MAGEC3: variants seen among roughly 807,000 people sequenced by gnomAD.
The protein encoded by MAGEC3 is MAGE family member C3, also known as melanoma-associated antigen C3.
A neutral mutation model predicts 35.3 loss-of-function variants in MAGEC3; 34 were observed. The observed-to-expected ratio is 0.96, with a 90% CI of 0.73 to 1.28. The LOEUF (loss-of-function observed/expected upper bound fraction) is 1.28, where lower values mean the gene tolerates loss of function less well. MAGEC3 is among the 50% of genes most tolerant of loss of function. The pLI is 0.00. For synonymous variants in MAGEC3, 202 were observed against 185.6 expected (o/e 1.09, Z -0.72); for missense variants, 561 against 483.6 (o/e 1.16, Z -1.50).
At chrX:141,887,547 A>G (rs747423770) in intron 4 of MAGEC3, among the ~76,000 whole-genome samples, 38 of 112,237 alleles carry the variant, frequency 3.4e-4, no homozygotes, top group Non-Finnish European at 3.8e-5. Flanking sequence ...AGAAAGAGGC[A>G]CAATGCCTAG....
chrX:141,865,689 C>T, intron 2 of MAGEC3, 84 bp downstream of exon 2: 3 of 1,041,952 alleles, frequency 2.9e-6, no homozygotes, highest in Non-Finnish European at 3.8e-6. Context: ...GCTGTTAGCC[C>T]TGGGTGGCCC....
At chrX:141,875,736 C>T (rs1021870226) in intron 2 of MAGEC3, among the ~76,000 whole-genome samples, 49 of 111,718 alleles carry the variant, frequency 4.4e-4, no homozygotes, top group African/African-American at 1.6e-3. Flanking sequence ...TTCTTGGGAC[C>T]TCAGAAGAAC....
chrX:141,838,476 G>T (rs2017666500), intron 1 of MAGEC3, 38 bp downstream of exon 1: 1 of 1,185,858 alleles, frequency 8.4e-7, no homozygotes, highest in South Asian at 1.9e-5. Flanking sequence ...TAAGCCCCAG[G>T]TTAACAGCCA....
At chrX:141,881,900 G>T in intron 4 of MAGEC3, 104 bp downstream of exon 4, 1 of 1,012,136 alleles carries the variant, frequency 9.9e-7, no homozygotes, top group Non-Finnish European at 1.4e-6. Flanking sequence ...GTGCCCAGTA[G>T]TGCTCCTCCA....
At chrX:141,868,123 C>CA (rs1246455150) in intron 2 of MAGEC3, among the ~76,000 whole-genome samples, 12 of 93,405 alleles carry the variant, frequency 1.3e-4, no homozygotes, top group South Asian at 4.7e-4. Context: ...ACTCCGCCTT[C>CA]AAAAAAAAAA....
intron 4 of MAGEC3, among the ~76,000 whole-genome samples, chrX:141,885,189 C>T (rs764750037): frequency 2.7e-5 from 3 of 111,394 alleles, no homozygotes; most frequent in Non-Finnish European, 3.8e-5. Flanking sequence ...GTGCATTACA[C>T]TCGAAAAGAA....
chrX:141,888,419 A>C (rs370477974), intron 4 of MAGEC3, among the ~76,000 whole-genome samples: 1 of 112,318 alleles, frequency 8.9e-6, no homozygotes, highest in Non-Finnish European at 1.9e-5. Flanking sequence ...GCTGTAGCCA[A>C]TGGTTTGGCT....
Position 141,897,228 on chromosome X carries a change from T to C in MAGEC3, c.1470T>C (p.Tyr490=), listed in dbSNP as rs1289677229. The change falls in exon 7 of 8, where the codon TAT becomes TAC. Residue 490 remains tyrosine, a synonymous_variant. Coordinates refer to ENST00000298296, the MANE Select transcript of MAGEC3 (RefSeq NM_138702.1). ...AEMLTTVIKK[Y]KDYFPMIFGK... is the part of the protein sequence containing the mutation. ...TGCTGACGACTGTCATCAAGAAGTA[T>C]AAGGACTATTTTCCCATGATCTTCG... The C allele has an allele frequency of 8.3e-7, 1 of 1,210,314 alleles. No individual in the cohort carries two copies. The highest frequency in any genetic ancestry group is 1.7e-5 in the African/African-American group (1 of 57,267).
At chrX:141,848,869 A>T (rs956580668) in intron 1 of MAGEC3, among the ~76,000 whole-genome samples, 1 of 111,478 alleles carries the variant, frequency 9.0e-6, no homozygotes, top group Non-Finnish European at 1.9e-5. Flanking sequence ...TACCCCATTT[A>T]CTTTGATGTA....
At chrX:141,854,528 A>G (rs2124090975) in intron 1 of MAGEC3, among the ~76,000 whole-genome samples, 1 of 111,206 alleles carries the variant, frequency 9.0e-6, no homozygotes, top group South Asian at 3.8e-4. Flanking sequence ...ATGGTAATGA[A>G]TAAGTCTCAG....
intron 2 of MAGEC3, among the ~76,000 whole-genome samples, chrX:141,868,790 C>T (rs906537449): frequency 9.1e-6 from 1 of 110,176 alleles, no homozygotes; most frequent in Non-Finnish European, 1.9e-5. Flanking sequence ...ACACAAAATA[C>T]GAGGTCGATT....
intron 1 of MAGEC3, among the ~76,000 whole-genome samples, chrX:141,852,540 A>G (rs1373640817): frequency 9.0e-6 from 1 of 110,667 alleles, no homozygotes; most frequent in African/African-American, 3.3e-5. Flanking sequence ...ACAGTCTTTC[A>G]TCTTTGAGTA....
intron 4 of MAGEC3, among the ~76,000 whole-genome samples, chrX:141,893,724 G>A (rs1384975698): frequency 4.8e-5 from 5 of 103,837 alleles, no homozygotes; most frequent in Non-Finnish European, 3.9e-5. Flanking sequence ...TGGGGGGGGG[G>A]GCGTAGATAT....
At chrX:141,854,750 C>T (rs751712284) in intron 1 of MAGEC3, among the ~76,000 whole-genome samples, 1 of 111,166 alleles carries the variant, frequency 9.0e-6, no homozygotes, top group African/African-American at 3.3e-5. Flanking sequence ...AGCCAGAAAA[C>T]GGATTAATAT....
chrX:141,873,416 C>A (rs2017900857), intron 2 of MAGEC3, among the ~76,000 whole-genome samples: 1 of 110,804 alleles, frequency 9.0e-6, no homozygotes, highest in African/African-American at 3.3e-5. Context: ...ACTCCCACCT[C>A]CTCCACCACC....
chrX:141,897,653 G>A lies in MAGEC3; in HGVS notation c.1753G>A (p.Val585Ile). The change falls in exon 8 of 8, where the codon GTC (valine) becomes ATC (isoleucine). Residue 585 changes from valine (V) to isoleucine (I), a missense_variant. By Grantham distance (29) the Val-to-Ile change is conservative (BLOSUM62 3). Coordinates refer to ENST00000298296, the MANE Select transcript of MAGEC3 (RefSeq NM_138702.1). Reference protein sequence around the residue: ...IGPIQRPAREVLEFLSKLSSI... With the variant: ...IGPIQRPAREILEFLSKLSSI... ...GCCCATTCAGAGGCCAGCAAGAGAA[G>A]TCTTAGAGTTTTTATCCAAGCTATC... The A allele has an allele frequency of 3.3e-6, 4 of 1,210,488 alleles. No individual in the cohort carries two copies. The highest frequency in any genetic ancestry group is 4.5e-6 in the Non-Finnish European group (4 of 895,012).
intron 4 of MAGEC3, among the ~76,000 whole-genome samples, chrX:141,885,008 T>A (rs972483128): frequency 9.0e-6 from 1 of 111,544 alleles, no homozygotes; most frequent in Non-Finnish European, 1.9e-5. Context: ...ATAAACCCTG[T>A]GCTGCCTGAG....
rs755434633 is a variant in MAGEC3, at chrX:141,865,538, T to C, written c.191T>C (p.Leu64Pro). Residue 64 changes from leucine (L) to proline (P), a missense_variant, in exon 2 of 8, where the codon CTT (leucine) becomes CCT (proline). Transcript: ENST00000298296. Reference sequence around the variant, plus strand: ...CTTGGGCATCTGAGGGAGGTGAGGCTTTTTCTGAGGGGTGGAACTTCAGAT... The same window carrying C: ...CTTGGGCATCTGAGGGAGGTGAGGCCTTTTCTGAGGGGTGGAACTTCAGAT... ...FHLGHLREVR[L>P]FLRGGTSDQR... 2.5e-6 allele frequency: 3 copies of C among 1,208,482 alleles called. No homozygotes were observed. In the African/African-American group the frequency reaches 5.3e-5, roughly 21 times the overall value.
chrX:141,854,409 C>G (rs2017768484), intron 1 of MAGEC3, among the ~76,000 whole-genome samples: 1 of 110,837 alleles, frequency 9.0e-6, no homozygotes, highest in African/African-American at 3.3e-5. Flanking sequence ...GGCCCTGTTT[C>G]CCTGCCTAAA....
Sources: gnomAD v4.1 joint callset for allele counts (sites outside exome capture counted in the v4.1 genomes callset) on GRCh38, gnomAD v4.1.1 for gene constraint, MANE v1.5 for transcripts, NCBI Gene and HGNC (gene_info 2026-07-23, HGNC 2026-07-21) for gene names.